Variants in NRXN1 observed in about 807,000 individuals in gnomAD.
NRXN1 encodes neurexin 1, also known as neurexin-1.
A neutral mutation model predicts 150.9 loss-of-function variants in NRXN1; 39 were observed. The ratio of observed to expected loss-of-function variants is 0.26; its 90% CI spans 0.20 to 0.34. The LOEUF (loss-of-function observed/expected upper bound fraction) is 0.34, where lower values mean the gene tolerates loss of function less well. Ranked by LOEUF, NRXN1 falls within the 10% of genes least tolerant of loss-of-function variation. The pLI is 1.00. For missense variants in NRXN1, 1,815 were observed against 1,949.9 expected, an observed-to-expected ratio of 0.93 and a Z score of 1.30; for synonymous variants, 924 against 757.0, an observed-to-expected ratio of 1.22 and a Z score of -3.62.
Position 50,347,855 on chromosome 2 carries a change from G to A in NRXN1, c.3365-110885C>T, listed in dbSNP as rs1041960324. The A allele has an allele frequency of 9.1e-6, 9 of 985,440 alleles. No individual in the cohort carries two copies. The highest frequency in any genetic ancestry group is 1.1e-5 in the Non-Finnish European group (9 of 829,944). 61.0% of individuals were successfully genotyped at this position (985,440 alleles called of 1,614,324 possible). ...GAAGCTCGGATGCAATGCAGAGGAC[G>A]AGCCTATGTAACGAGGGAGGCTGGT... On this transcript the variant is annotated intron_variant, in intron 17 of 22. Transcript: ENST00000401669. This position sits in a 1 kb window ranked among gnomAD's most constrained non-coding sequence, Gnocchi z 4.9.
intron 21 of NRXN1, chr2:50,023,822 TA>T (rs1687906974): frequency 6.6e-6 from 1 of 152,174 alleles, no homozygotes; most frequent in South Asian, 2.1e-4. Flanking sequence ...ACATTTTTCA[TA>T]AAAGTAAAGC....
chr2:50,981,073 A>G (rs940043715), intron 2 of NRXN1, among the ~76,000 whole-genome samples: 1 of 152,130 alleles, frequency 6.6e-6, no homozygotes, highest in African/African-American at 2.4e-5. Context: ...ATCACCTATA[A>G]TGTAAGGTCC....
chr2:50,621,159 AAC>A (rs1480391286), intron 7 of NRXN1, 65 bp downstream of exon 7: 5 of 1,413,654 alleles, frequency 3.5e-6, no homozygotes, highest in Admixed American at 4.4e-5. Flanking sequence ...AAAGAAAGAA[AAC>A]ACACGGCAAA....
chr2:50,528,169 G>A (rs757209605), intron 12 of NRXN1, among the ~76,000 whole-genome samples: 1 of 151,984 alleles, frequency 6.6e-6, no homozygotes, highest in African/African-American at 2.4e-5. Flanking sequence ...CGTTTTAGAC[G>A]AGTAATTTTC....
intron 5 of NRXN1, among the ~76,000 whole-genome samples, chr2:50,784,373 G>A: frequency 6.6e-6 from 1 of 151,994 alleles, no homozygotes; most frequent in East Asian, 1.9e-4. Flanking sequence ...TTGGTTTCCA[G>A]GGACAAGTTG....
At chr2:49,934,742 A>C (rs1272160331) in intron 22 of NRXN1, among the ~76,000 whole-genome samples, 2 of 152,142 alleles carry the variant, frequency 1.3e-5, no homozygotes, top group Non-Finnish European at 2.9e-5. Context: ...TTAGGAAGGA[A>C]GCAGGAAAGT....
At chr2:50,485,172 A>T (rs2090775965) in intron 15 of NRXN1, among the ~76,000 whole-genome samples, 1 of 152,214 alleles carries the variant, frequency 6.6e-6, no homozygotes, top group Non-Finnish European at 1.5e-5. Context: ...GTGTAAAATA[A>T]ATACTAAAAT....
chr2:50,642,315 C>T (rs926661545), intron 5 of NRXN1, among the ~76,000 whole-genome samples: 3 of 151,950 alleles, frequency 2.0e-5, no homozygotes, highest in Non-Finnish European at 2.9e-5. Flanking sequence ...GAAGAAAAAA[C>T]AATTCTAAAG....
chr2:50,023,567 T>C (rs1238771967), intron 21 of NRXN1: 2 of 152,178 alleles, frequency 1.3e-5, no homozygotes, highest in Non-Finnish European at 2.9e-5. Context: ...CAAGGCTTCA[T>C]GGAGGTTTAA....
intron 2 of NRXN1, among the ~76,000 whole-genome samples, chr2:51,011,542 G>C (rs891613110): frequency 1.3e-5 from 2 of 151,890 alleles, no homozygotes; most frequent in African/African-American, 4.8e-5. Flanking sequence ...TTAAATGATG[G>C]GTGAAATTTC....
At chr2:50,239,662 G>GTATATATATATATATATATATATATATA (rs59505952) in intron 17 of NRXN1, among the ~76,000 whole-genome samples, 1 of 47,270 alleles carries the variant, frequency 2.1e-5, no homozygotes, top group African/African-American at 5.9e-5. Context: ...ACCTATTCCA[G>GTATATATATATATATATATATATATATA]TATATATATA....
intron 5 of NRXN1, among the ~76,000 whole-genome samples, chr2:50,872,519 T>C (rs1468649914): frequency 2.0e-5 from 3 of 151,700 alleles, no homozygotes; most frequent in Non-Finnish European, 4.4e-5. Flanking sequence ...TGTTTGGGTA[T>C]AGGAGACAAA....
chr2:50,506,029 A>T (rs2092204294), intron 13 of NRXN1, among the ~76,000 whole-genome samples: 4 of 152,144 alleles, frequency 2.6e-5, no homozygotes, highest in Admixed American at 2.0e-4. Context: ...AGTGGCCAAA[A>T]ATAATCTATT....
intron 12 of NRXN1, among the ~76,000 whole-genome samples, chr2:50,527,267 C>T (rs368100289): frequency 6.6e-6 from 1 of 152,206 alleles, no homozygotes; most frequent in South Asian, 2.1e-4. Flanking sequence ...TTGTGAGTTG[C>T]CACTTTGCCT....
chr2:50,262,168 G>A (rs62133119), intron 17 of NRXN1, among the ~76,000 whole-genome samples: 1 of 151,830 alleles, frequency 6.6e-6, no homozygotes, highest in African/African-American at 2.4e-5. Context: ...CAACAAAATT[G>A]CACAGAATGT....
intron 22 of NRXN1, chr2:49,926,461 G>A: frequency 5.0e-6 from 2 of 397,742 alleles, no homozygotes; most frequent in Non-Finnish European, 8.9e-6. Flanking sequence ...GGTAACTTCG[G>A]TAAACACGAG....
chr2:49,918,795 C>G lies in NRXN1; in HGVS notation c.*3149G>C, dbSNP rs930282177. 4 of 152,096 alleles carry G rather than the reference C, an allele frequency of 2.6e-5. No individual in the cohort carries two copies. Among genetic ancestry groups the G allele is most frequent in the Non-Finnish European group, 4.4e-5 (3 of 67,998 alleles). The allele number at this position is 152,096 out of a possible 1,614,324, so 9.4% of individuals were successfully genotyped here. A position where few individuals can be genotyped will look rare whatever the true frequency, so the allele number is the denominator to read the frequency against. On this transcript the variant is annotated 3_prime_UTR_variant, in exon 23 of 23. Coordinates refer to ENST00000401669, the MANE Select transcript of NRXN1 (RefSeq NM_001330078.2). ...GGATGGGTCTTCCCTTCAAATGCAGCCTTCTTTACTTTCCCACTTAAGCAC... is the reference window on the plus strand; with the variant it reads ...GGATGGGTCTTCCCTTCAAATGCAGGCTTCTTTACTTTCCCACTTAAGCAC...
rs985775866 is a variant in NRXN1, at chr2:50,465,558, G to C, written c.3248C>G (p.Pro1083Arg). Residue 1083 changes from proline to arginine, a missense_variant, in exon 17 of 23, where the codon CCC becomes CGC. Physicochemically the swap from Pro to Arg is moderately radical, Grantham distance 103 (BLOSUM62 -2). This residue lies in a region of NRXN1 where 339 missense variants were observed against 440.3 expected (regional missense o/e 0.77). Transcript: ENST00000401669. ...NGQIERGCEGPSTTCQEDSCS... is the reference protein window; with the variant it reads ...NGQIERGCEGRSTTCQEDSCS... Reference sequence around the variant, plus strand: ...TGAGTCCTCTTGGCAGGTTGTGCTGGGCCCTGCAAAACAATCCAAAGGAAA... The same window carrying C: ...TGAGTCCTCTTGGCAGGTTGTGCTGCGCCCTGCAAAACAATCCAAAGGAAA... 1 of 1,606,052 alleles carries C rather than the reference G, an allele frequency of 6.2e-7. No individual in the cohort carries two copies. Among genetic ancestry groups the C allele is most frequent in the Non-Finnish European group, 8.5e-7 (1 of 1,175,762 alleles).
chr2:50,179,720 T>A (rs1201352294), intron 18 of NRXN1, among the ~76,000 whole-genome samples: 2 of 152,154 alleles, frequency 1.3e-5, no homozygotes, highest in East Asian at 3.9e-4. Context: ...TACCCTTTTT[T>A]ATACTACATA....
Sources: allele counts gnomAD v4.1 joint callset (sites outside exome capture counted in the v4.1 genomes callset), GRCh38; gene constraint gnomAD v4.1.1; regional missense constraint gnomAD v4.1.1; non-coding constraint Gnocchi (gnomAD v3.1); transcripts MANE v1.5; gene names NCBI Gene and HGNC (gene_info 2026-07-23, HGNC 2026-07-21).